Variants in CHL1 observed in about 807,000 individuals in gnomAD.
CHL1 encodes cell adhesion molecule L1 like.
Under a neutral mutation model 141.9 loss-of-function variants are expected in CHL1, and 96 were observed. The ratio of observed to expected loss-of-function variants is 0.68; its 90% CI spans 0.57 to 0.80. The LOEUF is 0.80. CHL1 is among the 30% of genes least tolerant of loss of function. The pLI is 0.00. For synonymous variants in CHL1, 613 were observed against 502.2 expected, an observed-to-expected ratio of 1.22 and a Z score of -2.95; for missense variants, 1,820 against 1,457.2, an observed-to-expected ratio of 1.25 and a Z score of -4.05.
intron 2 of CHL1, among the ~76,000 whole-genome samples, chr3:293,570 T>C (rs1697904239): frequency 6.6e-6 from 1 of 152,078 alleles, no homozygotes; most frequent in Non-Finnish European, 1.5e-5. Flanking sequence ...GGAGCAAATA[T>C]AAAATAAACA....
intron 1 of CHL1, among the ~76,000 whole-genome samples, chr3:198,414 T>G (rs1214311233): frequency 5.3e-5 from 8 of 152,008 alleles, no homozygotes; most frequent in African/African-American, 1.9e-4. Context: ...CGATGGTAAC[T>G]GGTGGGCCCC....
chr3:388,613 A>G (rs1707964672), intron 19 of CHL1, among the ~76,000 whole-genome samples: 1 of 152,206 alleles, frequency 6.6e-6, no homozygotes, highest in South Asian at 2.1e-4. Context: ...TATGGAGAAA[A>G]ATAAAGTGGG....
intron 27 of CHL1, among the ~76,000 whole-genome samples, chr3:403,551 A>G (rs1409722727): frequency 1.3e-5 from 2 of 152,114 alleles, no homozygotes; most frequent in Non-Finnish European, 2.9e-5. Context: ...CATCTCAACA[A>G]CAAAACAAAA....
chr3:257,926 A>G (rs973314015), intron 2 of CHL1, among the ~76,000 whole-genome samples: 1 of 152,182 alleles, frequency 6.6e-6, no homozygotes, highest in Non-Finnish European at 1.5e-5. Flanking sequence ...TTTTGTTAAC[A>G]TTGTCTCATC....
chr3:323,428 T>C (rs1443127043), intron 3 of CHL1, among the ~76,000 whole-genome samples: 3 of 152,108 alleles, frequency 2.0e-5, no homozygotes, highest in African/African-American at 7.2e-5. Context: ...GGGTATTTTT[T>C]CCAAATGAAA....
At chr3:341,889 A>G (rs1559281935) in intron 6 of CHL1, 23 bp from the exon 7 acceptor site, 1 of 1,549,544 alleles carries the variant, frequency 6.5e-7, no homozygotes, top group Non-Finnish European at 8.8e-7. Flanking sequence ...TGCCCTTTTC[A>G]ATGGCAAGAT....
At chr3:306,589 T>A (rs1049337056) in intron 2 of CHL1, among the ~76,000 whole-genome samples, 2 of 152,134 alleles carry the variant, frequency 1.3e-5, no homozygotes, top group African/African-American at 4.8e-5. Flanking sequence ...AAAATAAGAC[T>A]AAAGTTTTTT....
chr3:288,343 C>CAT (rs5845961), intron 2 of CHL1, among the ~76,000 whole-genome samples: 56,951 of 150,594 alleles, frequency 0.38, 11,036 homozygotes, highest in South Asian at 0.57. Flanking sequence ...GTCGAATTTA[C>CAT]ATATATACAG....
intron 1 of CHL1, among the ~76,000 whole-genome samples, chr3:204,395 T>G (rs1169115245): frequency 6.6e-6 from 1 of 152,244 alleles, no homozygotes; most frequent in Non-Finnish European, 1.5e-5. Flanking sequence ...GAAGTATCCT[T>G]CTTCTTTGTT....
intron 2 of CHL1, among the ~76,000 whole-genome samples, chr3:306,109 C>T (rs960258569): frequency 6.6e-6 from 1 of 152,042 alleles, no homozygotes; most frequent in Non-Finnish European, 1.5e-5. Flanking sequence ...AAAACGAGGA[C>T]AAGATATGAA....
At chr3:209,745 T>C (rs1410207867) in intron 1 of CHL1, among the ~76,000 whole-genome samples, 6 of 152,334 alleles carry the variant, frequency 3.9e-5, no homozygotes, top group African/African-American at 1.2e-4. Context: ...CCGTGTGTGA[T>C]GTTCCCCACC....
At chr3:340,969 C>T in intron 6 of CHL1, 53 bp downstream of exon 6, 2 of 1,532,628 alleles carry the variant, frequency 1.3e-6, no homozygotes, top group African/African-American at 1.4e-5. Flanking sequence ...TTCTATCCAT[C>T]ATATCAATAA....
chr3:328,362 C>T lies in CHL1; in HGVS notation c.385+8C>T. The T allele has an allele frequency of 6.3e-7, 1 of 1,596,672 alleles. No homozygotes were observed. The highest frequency in any genetic ancestry group is 2.2e-5 in the East Asian group (1 of 44,542). On this transcript the variant is annotated splice_region_variant and intron_variant, in intron 5 of 27. Transcript: ENST00000256509. ...TAGAATTTATAGTTCCAAGTAAGTA[C>T]TATAACGGGAATTTCATTTTACAAG...
intron 2 of CHL1, among the ~76,000 whole-genome samples, chr3:278,075 T>G (rs1422355464): frequency 6.6e-6 from 1 of 152,244 alleles, no homozygotes; most frequent in Admixed American, 6.5e-5. Context: ...AACTCATGAC[T>G]GAAACTTTGT....
At chr3:395,060 C>T (rs1708559819) in intron 24 of CHL1, among the ~76,000 whole-genome samples, 188 bp downstream of exon 24, 1 of 152,178 alleles carries the variant, frequency 6.6e-6, no homozygotes, top group African/African-American at 2.4e-5. Context: ...TTGGAAAGTT[C>T]ACACTGACTC....
intron 1 of CHL1, among the ~76,000 whole-genome samples, chr3:242,439 A>AC (rs1322410386): frequency 3.9e-4 from 53 of 135,812 alleles, no homozygotes; most frequent in Non-Finnish European, 7.5e-4. Flanking sequence ...TACTAAAAAT[A>AC]CAAAAAATTA....
At chr3:336,770 G>A (rs1002435245) in intron 5 of CHL1, among the ~76,000 whole-genome samples, 24 of 152,106 alleles carry the variant, frequency 1.6e-4, no homozygotes, top group Non-Finnish European at 2.4e-4. Context: ...ATATTATGTT[G>A]AAATAATTGG....
intron 1 of CHL1, among the ~76,000 whole-genome samples, chr3:242,165 A>C (rs911966236): frequency 6.6e-6 from 1 of 152,156 alleles, no homozygotes; most frequent in Non-Finnish European, 1.5e-5. Flanking sequence ...GAAAAACCAT[A>C]AGTACATGTG....
chr3:365,831 A>C, intron 14 of CHL1, 119 bp from the exon 15 acceptor site: 2 of 683,446 alleles, frequency 2.9e-6, no homozygotes, highest in South Asian at 4.1e-5. Flanking sequence ...ACAGTGGGAC[A>C]AACCCTGCAT....
Sources: gnomAD v4.1 joint callset for allele counts (sites outside exome capture counted in the v4.1 genomes callset) on GRCh38, gnomAD v4.1.1 for gene constraint, MANE v1.5 for transcripts, NCBI Gene and HGNC (gene_info 2026-07-23, HGNC 2026-07-21) for gene names.